The following HGSNAT variants were observed in gnomAD, a reference collection of about 807,000 sequenced individuals.
HGSNAT encodes the protein transmembrane protein 76.
HGSNAT carries 59 observed loss-of-function variants against 85.2 expected under a neutral mutation model. The observed-to-expected ratio is 0.69, with a 90% CI of 0.56 to 0.86. The LOEUF (loss-of-function observed/expected upper bound fraction) is 0.86. Ranked by LOEUF, HGSNAT falls within the 40% of genes least tolerant of loss-of-function variation. HGSNAT has a pLI of 0.00. For missense variants in HGSNAT, 756 were observed against 777.1 expected (o/e 0.97, Z 0.32); for synonymous variants, 321 against 304.5 (o/e 1.05, Z -0.56).
chr8:43,172,267 C>T (rs1180111787), intron 7 of HGSNAT, 43 bp from the exon 8 acceptor site: 1 of 1,408,532 alleles, frequency 7.1e-7, no homozygotes, highest in African/African-American at 1.4e-5. Flanking sequence ...TTCCTTTTCA[C>T]ATAGCAAACC....
intron 11 of HGSNAT, among the ~76,000 whole-genome samples, chr8:43,188,201 T>A (rs1365236141): frequency 6.6e-6 from 1 of 152,226 alleles, no homozygotes; most frequent in Non-Finnish European, 1.5e-5. Flanking sequence ...CCTTGCTGGG[T>A]TGCGGAAGTT....
At chr8:43,155,018 C>T (rs528565583) in intron 2 of HGSNAT, among the ~76,000 whole-genome samples, 15 of 152,208 alleles carry the variant, frequency 9.9e-5, no homozygotes, top group Middle Eastern at 3.4e-3. Context: ...TCATATCCTT[C>T]GCCCACTTGT....
chr8:43,142,722 T>A (rs1281292547), intron 1 of HGSNAT, among the ~76,000 whole-genome samples: 2 of 152,212 alleles, frequency 1.3e-5, no homozygotes, highest in Non-Finnish European at 2.9e-5. Context: ...TTTGTAGTTT[T>A]TTTAGAGCTT....
chr8:43,202,805 A>C lies in HGSNAT; in HGVS notation c.*3236A>C, dbSNP rs1804957896. 6.6e-6 allele frequency: 1 copy of C among 152,216 alleles called. No homozygotes were observed. The highest frequency in any genetic ancestry group is 2.1e-4 in the South Asian group (1 of 4,832). 9.4% of individuals were successfully genotyped at this position (152,216 alleles called of 1,614,324 possible). A position where few individuals can be genotyped will look rare whatever the true frequency, so the allele number is the denominator to read the frequency against. ...CCTTTTAATGTAATTCTGTTTTCCA[A>C]ATAAATGGGGGAGACAAATGGACTT... On this transcript the variant is annotated 3_prime_UTR_variant, in exon 18 of 18. Coordinates refer to ENST00000379644, the MANE Select transcript of HGSNAT (RefSeq NM_152419.3).
chr8:43,189,527 A>G (rs1452346216), intron 11 of HGSNAT, among the ~76,000 whole-genome samples: 1 of 152,124 alleles, frequency 6.6e-6, no homozygotes, highest in Non-Finnish European at 1.5e-5. Context: ...TCCAGGTACC[A>G]TCTGTCATGG....
chr8:43,161,547 A>G (rs769609381), intron 5 of HGSNAT, 40 bp downstream of exon 5: 2 of 1,502,958 alleles, frequency 1.3e-6, no homozygotes, highest in Non-Finnish European at 1.8e-6. Flanking sequence ...AAGGCAGAGT[A>G]TAGAAATAAC....
chr8:43,182,759 T>A (rs1173576605), intron 11 of HGSNAT, among the ~76,000 whole-genome samples: 1 of 152,126 alleles, frequency 6.6e-6, no homozygotes, highest in Admixed American at 6.5e-5. Flanking sequence ...ACAGTGTTTT[T>A]TAAAAAAAGG....
chr8:43,140,575 G>C lies in HGSNAT; in HGVS notation c.79G>C (p.Gly27Arg). The change falls in exon 1 of 18, where the codon GGC becomes CGC. Residue 27 changes from glycine (G) to arginine (R), a missense_variant. Physicochemically the swap from Gly to Arg is moderately radical, Grantham distance 125 (BLOSUM62 -2). Transcript: ENST00000379644. ...GAGCGCCGCGCTGCTGGCCCCCGGCGGCTCTTCGGGGCGCGATGCCCAGGC... is the reference window on the plus strand; with the variant it reads ...GAGCGCCGCGCTGCTGGCCCCCGGCCGCTCTTCGGGGCGCGATGCCCAGGC... The part of the protein sequence containing the change: ...VLSAALLAPG[G>R]SSGRDAQAAP... 1 of 1,228,338 alleles carries C rather than the reference G, an allele frequency of 8.1e-7. No homozygotes were observed. Among genetic ancestry groups the C allele is most frequent in the Non-Finnish European group, 1.0e-6 (1 of 978,104 alleles). 76.1% of individuals were successfully genotyped at this position (1,228,338 alleles called of 1,614,324 possible). A position where few individuals can be genotyped will look rare whatever the true frequency, so the allele number is the denominator to read the frequency against.
At chr8:43,179,673 A>G (rs1346174029) in intron 10 of HGSNAT, among the ~76,000 whole-genome samples, 1 of 5,934 alleles carries the variant, frequency 1.7e-4, no homozygotes, top group Non-Finnish European at 3.1e-4. Flanking sequence ...TGATCCCCCC[A>G]CCTCCCTCCC....
At chr8:43,155,585 G>A (rs1223507287) in intron 2 of HGSNAT, among the ~76,000 whole-genome samples, 1 of 152,090 alleles carries the variant, frequency 6.6e-6, no homozygotes, top group East Asian at 1.9e-4. Context: ...CTGTGCATAG[G>A]CTTTTTTACT....
intron 2 of HGSNAT, 124 bp downstream of exon 2, chr8:43,147,187 C>G (rs1286731189): frequency 1.0e-5 from 6 of 598,516 alleles, no homozygotes; most frequent in Non-Finnish European, 1.7e-5. Flanking sequence ...AACAAAGAAG[C>G]TATATAAAGA....
At chr8:43,149,278 A>G (rs188680075) in intron 2 of HGSNAT, among the ~76,000 whole-genome samples, 46 of 152,274 alleles carry the variant, frequency 3.0e-4, no homozygotes, top group Middle Eastern at 3.4e-3. Flanking sequence ...AGTGGTAGAA[A>G]ATATCCCATT....
chr8:43,141,963 G>C (rs919235285), intron 1 of HGSNAT, among the ~76,000 whole-genome samples: 5 of 152,178 alleles, frequency 3.3e-5, no homozygotes, highest in Non-Finnish European at 7.3e-5. Flanking sequence ...GGGAAGCCGC[G>C]TTGGGACCGC....
chr8:43,165,720 T>C (rs1166348808), intron 5 of HGSNAT, among the ~76,000 whole-genome samples: 1 of 152,208 alleles, frequency 6.6e-6, no homozygotes, highest in Non-Finnish European at 1.5e-5. Context: ...GATTATTGCT[T>C]GAAGCTAGGA....
chr8:43,160,591 T>G (rs180988891), intron 4 of HGSNAT, among the ~76,000 whole-genome samples: 1 of 152,246 alleles, frequency 6.6e-6, no homozygotes, highest in Non-Finnish European at 1.5e-5. Flanking sequence ...TATCCTTCAC[T>G]TAGCTTCCCC....
intron 1 of HGSNAT, among the ~76,000 whole-genome samples, chr8:43,146,253 C>T (rs1802707514): frequency 6.6e-6 from 1 of 152,114 alleles, no homozygotes; most frequent in African/African-American, 2.4e-5. Flanking sequence ...CTCCGATCTG[C>T]CATGGAAATT....
intron 10 of HGSNAT, among the ~76,000 whole-genome samples, chr8:43,181,030 C>T (rs1490069460): frequency 2.1e-4 from 23 of 108,678 alleles, no homozygotes; most frequent in African/African-American, 5.7e-4. Flanking sequence ...TGCAGTGAGC[C>T]GAGATGGCAG....
At chr8:43,189,492 T>C (rs1804448930) in intron 11 of HGSNAT, among the ~76,000 whole-genome samples, 2 of 152,226 alleles carry the variant, frequency 1.3e-5, no homozygotes, top group South Asian at 4.2e-4. Context: ...AAAAGTGCAG[T>C]ATTAGTGTAG....
chr8:43,154,569 C>T (rs1013593775), intron 2 of HGSNAT, among the ~76,000 whole-genome samples: 2 of 152,028 alleles, frequency 1.3e-5, no homozygotes, highest in African/African-American at 4.8e-5. Flanking sequence ...GTATATGTGC[C>T]ACATTTTCTT....
Sources: gnomAD v4.1 joint callset for allele counts (sites outside exome capture counted in the v4.1 genomes callset) on GRCh38, gnomAD v4.1.1 for gene constraint, MANE v1.5 for transcripts, NCBI Gene and HGNC (gene_info 2026-07-23, HGNC 2026-07-21) for gene names.